The following KREMEN1 variants were observed in gnomAD, a reference collection of about 807,000 sequenced individuals.
The protein encoded by KREMEN1 is kremen protein 1.
Under a neutral mutation model 46.5 loss-of-function variants are expected in KREMEN1, and 30 were observed. That is an observed-to-expected ratio of 0.65 (90% CI 0.48 to 0.88). KREMEN1 has a LOEUF of 0.88. KREMEN1 is among the 40% of genes least tolerant of loss of function. The pLI is 0.00. For synonymous variants in KREMEN1, 214 were observed against 230.6 expected (o/e 0.93, Z 0.65); for missense variants, 533 against 596.9 (o/e 0.89, Z 1.11).
intron 2 of KREMEN1, among the ~76,000 whole-genome samples, chr22:29,097,785 G>C (rs1196359763): frequency 6.6e-6 from 1 of 152,026 alleles, no homozygotes; most frequent in East Asian, 1.9e-4. Flanking sequence ...CCAGTGTCTA[G>C]AGATACTTTA....
chr22:29,101,127 C>T (rs1015815277), intron 3 of KREMEN1, among the ~76,000 whole-genome samples: 8 of 151,806 alleles, frequency 5.3e-5, no homozygotes, highest in Non-Finnish European at 1.0e-4. Flanking sequence ...TGGCATGCAC[C>T]TGTAATCCCA....
chr22:29,086,391 T>G (rs2037728748), intron 1 of KREMEN1, among the ~76,000 whole-genome samples: 1 of 152,174 alleles, frequency 6.6e-6, no homozygotes, highest in Non-Finnish European at 1.5e-5. Context: ...GGTTGTTGTT[T>G]TTTCCCTAAA....
chr22:29,144,093 G>A lies in KREMEN1; in HGVS notation c.*1981G>A. 1 of 985,516 alleles carries A rather than the reference G, an allele frequency of 1.0e-6. No homozygotes were observed. 61.0% of individuals were successfully genotyped at this position (985,516 alleles called of 1,614,324 possible). ...CTGTGCCTCTGCTGGCCAGGCCTAGGCCCTCGTCAGAGCGTGCCTCTCCAC... is the reference window on the plus strand; with the variant it reads ...CTGTGCCTCTGCTGGCCAGGCCTAGACCCTCGTCAGAGCGTGCCTCTCCAC... On this transcript the variant is annotated 3_prime_UTR_variant, in exon 9 of 9. Transcript: ENST00000400335.
intron 1 of KREMEN1, among the ~76,000 whole-genome samples, chr22:29,084,984 T>C (rs910287406): frequency 3.3e-5 from 5 of 152,192 alleles, no homozygotes; most frequent in African/African-American, 1.2e-4. Flanking sequence ...CATAAAACAT[T>C]ACAGTGATTT....
At chr22:29,148,748 C>A (rs1040367636), downstream of KREMEN1, among the ~76,000 whole-genome samples, 4 of 152,214 alleles carry the variant, frequency 2.6e-5, no homozygotes, top group East Asian at 3.9e-4. Context: ...AGCCACCGCG[C>A]CTGGTGAGCA....
intron 5 of KREMEN1, among the ~76,000 whole-genome samples, chr22:29,126,010 C>A (rs140874124): frequency 2.3e-4 from 35 of 152,066 alleles, no homozygotes; most frequent in African/African-American, 7.5e-4. Flanking sequence ...ACCACTGAGC[C>A]AGCTGATTCC....
rs746612963 is a variant in KREMEN1, at chr22:29,146,005, TGCACGCTTACTCTTCACAA to T, written c.*3898_*3916del. ...ACCCAGCCCCGATGCATCCTGGCAC[TGCACGCTTACTCTTCACAA>T]GCACTTATACGCGGATGGCCTCCGA... On this transcript the variant is annotated 3_prime_UTR_variant, in exon 9 of 9. Coordinates refer to ENST00000400335, the MANE Select transcript of KREMEN1 (RefSeq NM_001039570.3). The T allele has an allele frequency of 2.3e-4, 222 of 985,848 alleles. No homozygotes were observed. Among genetic ancestry groups the T allele is most frequent in the Non-Finnish European group, 2.6e-4 (217 of 830,034 alleles). 61.1% of individuals were successfully genotyped at this position (985,848 alleles called of 1,614,324 possible). A position where few individuals can be genotyped will look rare whatever the true frequency, so the allele number is the denominator to read the frequency against.
At chr22:29,149,601 G>A (rs185375018), downstream of KREMEN1, among the ~76,000 whole-genome samples, 26 of 152,232 alleles carry the variant, frequency 1.7e-4, no homozygotes, top group East Asian at 5.8e-4. Flanking sequence ...CAAACAGGGC[G>A]GCCTTGCTGG....
intron 3 of KREMEN1, among the ~76,000 whole-genome samples, chr22:29,110,935 A>G (rs2038136920): frequency 6.6e-6 from 1 of 152,286 alleles, no homozygotes; most frequent in African/African-American, 2.4e-5. Context: ...GCAGCGTCTC[A>G]GATGTACATA....
intron 3 of KREMEN1, among the ~76,000 whole-genome samples, chr22:29,116,379 G>A (rs904255708): frequency 6.6e-6 from 1 of 152,250 alleles, no homozygotes; most frequent in Non-Finnish European, 1.5e-5. Context: ...CAATTGGCAA[G>A]TGATTGCCTT....
intron 1 of KREMEN1, among the ~76,000 whole-genome samples, chr22:29,089,185 G>C (rs961710426): frequency 6.6e-6 from 1 of 152,126 alleles, no homozygotes; most frequent in East Asian, 1.9e-4. Context: ...GTAGCCATTT[G>C]CGTACTCTAC....
intron 3 of KREMEN1, among the ~76,000 whole-genome samples, chr22:29,116,603 T>G (rs2038243799): frequency 6.6e-6 from 1 of 152,208 alleles, no homozygotes; most frequent in Non-Finnish European, 1.5e-5. Context: ...ATGTCTAACC[T>G]TAACATTTAT....
intron 5 of KREMEN1, among the ~76,000 whole-genome samples, chr22:29,126,764 G>A (rs780442666): frequency 2.6e-5 from 4 of 152,154 alleles, no homozygotes; most frequent in Non-Finnish European, 5.9e-5. Flanking sequence ...TGTATTTGGG[G>A]TGGGAAGACA....
chr22:29,138,086 A>G (rs912653277), intron 6 of KREMEN1, among the ~76,000 whole-genome samples: 37 of 152,380 alleles, frequency 2.4e-4, no homozygotes, highest in African/African-American at 8.7e-4. Flanking sequence ...AAACCCTGCT[A>G]TGATGGAGCC....
chr22:29,164,748 AAAAAAAAAC>A (rs1412167986), intron 9 of KREMEN1, among the ~76,000 whole-genome samples: 3 of 148,394 alleles, frequency 2.0e-5, no homozygotes, highest in Non-Finnish European at 4.5e-5. Context: ...CTCCATCTCA[AAAAAAAAAC>A]AAAAAAAAAA....
rs575258956 is a variant in KREMEN1, at chr22:29,136,562, GA to G, written c.632-779del. ...TGCACTCCAGCCTGGGAGACAGACG[GA>G]GACTCCTTCTCAAAAAAAAAAAAAA... On this transcript the variant is annotated intron_variant, in intron 5 of 8. Transcript: ENST00000400335. Among the ~76,000 whole-genome samples, 8 of 145,426 alleles carry G rather than the reference GA, an allele frequency of 5.5e-5. No individual in the cohort carries two copies. The East Asian group carries it at 1.6e-3, about 29-fold the overall frequency.
chr22:29,100,272 C>T (rs182188739), intron 3 of KREMEN1, among the ~76,000 whole-genome samples: 25 of 152,188 alleles, frequency 1.6e-4, no homozygotes, highest in Non-Finnish European at 3.1e-4. Flanking sequence ...TGTGCCACCA[C>T]GCCCGGCTAA....
At chr22:29,162,613 G>A (rs1037233187) in intron 9 of KREMEN1, among the ~76,000 whole-genome samples, 2 of 152,056 alleles carry the variant, frequency 1.3e-5, no homozygotes. Context: ...AGCTACTCGG[G>A]AGGCAGGAGA....
At chr22:29,075,741 C>G (rs2037559397) in intron 1 of KREMEN1, among the ~76,000 whole-genome samples, 1 of 152,092 alleles carries the variant, frequency 6.6e-6, no homozygotes, top group Admixed American at 6.5e-5. Context: ...ACACACTTTA[C>G]TCTGAGGATA....
Sources: gnomAD v4.1 joint callset for allele counts (sites outside exome capture counted in the v4.1 genomes callset) on GRCh38, gnomAD v4.1.1 for gene constraint, MANE v1.5 for transcripts, NCBI Gene and HGNC (gene_info 2026-07-23, HGNC 2026-07-21) for gene names.